PDCD7: variants seen among roughly 807,000 people sequenced by gnomAD.
PDCD7 encodes programmed cell death protein 7.
Under a neutral mutation model 42.1 loss-of-function variants are expected in PDCD7, and 40 were observed. That is an observed-to-expected ratio of 0.95 (90% CI 0.74 to 1.24). The LOEUF is 1.24. Among genes scored for constraint, PDCD7 ranks in the 50% most tolerant of loss-of-function variants. PDCD7 has a pLI of 0.00. For missense variants in PDCD7, 644 were observed against 662.8 expected (o/e 0.97, Z 0.31); for synonymous variants, 299 against 303.3 (o/e 0.99, Z 0.15).
intron 2 of PDCD7, among the ~76,000 whole-genome samples, chr15:65,123,265 G>A (rs1259778291): frequency 6.6e-6 from 1 of 152,182 alleles, no homozygotes; most frequent in Non-Finnish European, 1.5e-5. Context: ...TCACCTCACT[G>A]TAACCTCTGA....
rs754908781 is a variant in PDCD7, at chr15:65,129,047, C to A, written c.994G>T (p.Ala332Ser). The change falls in exon 2 of 5, where the codon GCT (alanine) becomes TCT (serine). Residue 332 changes from alanine to serine, a missense_variant. By Grantham distance (99) the Ala-to-Ser change is moderately conservative. Coordinates refer to ENST00000204549, the MANE Select transcript of PDCD7 (RefSeq NM_005707.2). Reference protein sequence around the residue: ...LEKLRKLRKEAAARKGVCPPA... With the variant: ...LEKLRKLRKESAARKGVCPPA... ...CCACAGTTACCTTTCCTCGCTGCAG[C>A]CTCTTTCCTCAGTTTCCTCAATTTC... 1.2e-6 allele frequency: 2 copies of A among 1,614,116 alleles called. No individual in the cohort carries two copies. Among genetic ancestry groups the A allele is most frequent in the Admixed American group, 3.3e-5 (2 of 60,018 alleles).
chr15:65,119,932 T>C lies in PDCD7; in HGVS notation c.1032A>G (p.Ala344=). ...ARKGVCPPAS[A]DETFTHHLQR... Reference sequence around the variant, plus strand: ...GAAGATGATGCGTAAAAGTCTCATCTGCTGAGGCTGGAGGACAGACCCCTG... The same window carrying C: ...GAAGATGATGCGTAAAAGTCTCATCCGCTGAGGCTGGAGGACAGACCCCTG... The change falls in exon 3 of 5, where the codon GCA becomes GCG. Residue 344 remains alanine, a synonymous_variant. Transcript: ENST00000204549. The C allele has an allele frequency of 6.2e-7, 1 of 1,613,956 alleles. No individual in the cohort carries two copies. The highest frequency in any genetic ancestry group is 1.3e-5 in the African/African-American group (1 of 75,028).
intron 1 of PDCD7, 54 bp downstream of exon 1, chr15:65,132,858 C>T: frequency 6.3e-7 from 1 of 1,590,698 alleles, no homozygotes; most frequent in Non-Finnish European, 8.5e-7. Context: ...CCTCCTGCTG[C>T]TCCAGGTTCC....
rs1249391126 is a variant in PDCD7 at position 65,133,486 on chromosome 15, G to C, written c.296C>G (p.Pro99Arg). The change falls in exon 1 of 5, where the codon CCG becomes CGG. Residue 99 changes from proline (P) to arginine (R), a missense_variant. Physicochemically the swap from Pro to Arg is moderately radical, Grantham distance 103. Transcript: ENST00000204549. ...CGGCCGCTCGCCGGCGTCGGTCCCC[G>C]GGAAGGGCCGACACTGGGGCGGCGG... Reference protein sequence around the residue: ...PPPPPQCRPFPGTDAGERPRP... With the variant: ...PPPPPQCRPFRGTDAGERPRP... 8.2e-7 allele frequency: 1 copy of C among 1,222,672 alleles called. No individual in the cohort carries two copies. Among genetic ancestry groups the C allele is most frequent in the South Asian group, 4.1e-5 (1 of 24,250 alleles). The allele number at this position is 1,222,672 out of a possible 1,614,324, so 75.7% of individuals were successfully genotyped here. A position where few individuals can be genotyped will look rare whatever the true frequency, so the allele number is the denominator to read the frequency against.
At chr15:65,122,539 A>G (rs1259356465) in intron 2 of PDCD7, among the ~76,000 whole-genome samples, 1 of 152,098 alleles carries the variant, frequency 6.6e-6, no homozygotes, top group Non-Finnish European at 1.5e-5. Flanking sequence ...TTCTTCTCCA[A>G]TCTTCATAAT....
rs147631742 is a variant in PDCD7, at chr15:65,128,535, G to C, written c.1009+497C>G. 8.3e-4 allele frequency among the ~76,000 whole-genome samples: 126 copies of C among 152,318 alleles called. 1 individual carries two copies. Among genetic ancestry groups the C allele is most frequent in the African/African-American group, 2.9e-3 (121 of 41,570 alleles). ...TTCCTCCAGAGGCAAGAAGAGACCAGTGACATGAAGGGAAGGTGGGGAAAT... is the reference window on the plus strand; with the variant it reads ...TTCCTCCAGAGGCAAGAAGAGACCACTGACATGAAGGGAAGGTGGGGAAAT... On this transcript the variant is annotated intron_variant, in intron 2 of 4. Transcript: ENST00000204549.
intron 2 of PDCD7, among the ~76,000 whole-genome samples, chr15:65,125,949 C>A (rs559969220): frequency 2.0e-5 from 3 of 152,158 alleles, no homozygotes; most frequent in Non-Finnish European, 4.4e-5. Context: ...GTAAAGAGGG[C>A]GTGTGCAAGG....
intron 2 of PDCD7, 66 bp from the exon 3 acceptor site, chr15:65,120,020 A>T: frequency 6.6e-7 from 1 of 1,520,128 alleles, no homozygotes; most frequent in East Asian, 2.2e-5. Flanking sequence ...TCGCTCTAAC[A>T]CCCAGGCTGG....
At chr15:65,130,767 T>G (rs2087533539) in intron 1 of PDCD7, among the ~76,000 whole-genome samples, 1 of 151,500 alleles carries the variant, frequency 6.6e-6, no homozygotes, top group Non-Finnish European at 1.5e-5. Context: ...CGCTTGAACC[T>G]GGGAGGCAGA....
chr15:65,124,759 G>A (rs892264377), intron 2 of PDCD7, among the ~76,000 whole-genome samples: 4 of 151,956 alleles, frequency 2.6e-5, no homozygotes, highest in African/African-American at 7.3e-5. Flanking sequence ...CAAAACCTCC[G>A]GACCTGATGT....
At chr15:65,127,239 T>C (rs1421599621) in intron 2 of PDCD7, among the ~76,000 whole-genome samples, 3 of 151,968 alleles carry the variant, frequency 2.0e-5, no homozygotes, top group Non-Finnish European at 4.4e-5. Context: ...AGGTGGATCA[T>C]GAGGTCAGGA....
Position 65,133,589 on chromosome 15 carries a change from G to A in PDCD7, c.193C>T (p.Arg65Ter). The A allele has an allele frequency of 1.1e-5, 14 of 1,233,206 alleles. No homozygotes were observed. The highest frequency in any genetic ancestry group is 1.3e-5 in the Non-Finnish European group (13 of 987,896). 76.4% of individuals were successfully genotyped at this position (1,233,206 alleles called of 1,614,324 possible). A position where few individuals can be genotyped will look rare whatever the true frequency, so the allele number is the denominator to read the frequency against. The change falls in exon 1 of 5, where the codon CGA becomes TGA. Residue 65 changes from arginine to a stop codon, truncating the protein, a stop_gained. Transcript: ENST00000204549. LOFTEE classifies it high-confidence loss of function. ...FLQPPLALQP[R>*]ASAEASRGGG... Reference sequence around the variant, plus strand: ...CCGCGGGAGGCCTCCGCGGAGGCTCGGGGCTGCAGAGCCAGCGGAGGCTGA... The same window carrying A: ...CCGCGGGAGGCCTCCGCGGAGGCTCAGGGCTGCAGAGCCAGCGGAGGCTGA...
intron 2 of PDCD7, among the ~76,000 whole-genome samples, chr15:65,122,304 C>G (rs2087461950): frequency 6.6e-6 from 1 of 151,948 alleles, no homozygotes. Flanking sequence ...CCACTGCACT[C>G]TGGCTTGGGT....
rs1402961292 is a variant in PDCD7 at position 65,133,300 on chromosome 15, A to G, written c.482T>C (p.Val161Ala). The G allele has an allele frequency of 6.9e-6, 9 of 1,307,384 alleles. No homozygotes were observed. The highest frequency in any genetic ancestry group is 1.5e-5 in the African/African-American group (1 of 64,682). The allele number at this position is 1,307,384 out of a possible 1,614,324, so 81.0% of individuals were successfully genotyped here. ...FGTPRRAGCP[V>A]PQRTHAGPSL... ...GGGCCCGGCATGCGTGCGCTGGGGC[A>G]CCGGACAGCCTGCCCGCCGCGGGGT... The change falls in exon 1 of 5, where the codon GTG becomes GCG. Residue 161 changes from valine (V) to alanine (A), a missense_variant. Coordinates refer to ENST00000204549, the MANE Select transcript of PDCD7 (RefSeq NM_005707.2).
At chr15:65,129,273 G>T in intron 1 of PDCD7, 103 bp from the exon 2 acceptor site, 1 of 1,260,008 alleles carries the variant, frequency 7.9e-7, no homozygotes, top group Non-Finnish European at 1.1e-6. Flanking sequence ...CAGTCTCCAG[G>T]TTAAGAGAGA....
chr15:65,120,751 T>C (rs1349374056), intron 2 of PDCD7, among the ~76,000 whole-genome samples: 6 of 152,162 alleles, frequency 3.9e-5, no homozygotes, highest in Non-Finnish European at 5.9e-5. Flanking sequence ...TCTTGCTATG[T>C]TGCCCAGGCT....
intron 2 of PDCD7, among the ~76,000 whole-genome samples, chr15:65,122,476 T>C (rs1038025865): frequency 4.6e-5 from 7 of 152,230 alleles, no homozygotes; most frequent in African/African-American, 1.4e-4. Context: ...CAACTTCATA[T>C]AGTTCAACGT....
chr15:65,129,625 A>T (rs760369861), intron 1 of PDCD7, among the ~76,000 whole-genome samples: 1 of 152,196 alleles, frequency 6.6e-6, no homozygotes, highest in Non-Finnish European at 1.5e-5. Flanking sequence ...CCACTGCTCT[A>T]AAGTCCCAAG....
intron 2 of PDCD7, 88 bp downstream of exon 2, chr15:65,128,944 T>C: frequency 6.9e-7 from 1 of 1,447,138 alleles, no homozygotes; most frequent in East Asian, 2.3e-5. Context: ...AAGTTTCAAG[T>C]ATTTTTCCCT....
Sources: gnomAD v4.1 joint callset for allele counts (sites outside exome capture counted in the v4.1 genomes callset) on GRCh38, gnomAD v4.1.1 for gene constraint, MANE v1.5 for transcripts, NCBI Gene and HGNC (gene_info 2026-07-23, HGNC 2026-07-21) for gene names.